LIPI: variants seen among roughly 807,000 people sequenced by gnomAD.
LIPI encodes the protein lipase member I.
A neutral mutation model predicts 50.6 loss-of-function variants in LIPI; 59 were observed. The observed-to-expected ratio is 1.16, with a 90% confidence interval of 0.94 to 1.45. The LOEUF (loss-of-function observed/expected upper bound fraction) is 1.45. LIPI is among the 40% of genes most tolerant of loss of function. The pLI, the probability that LIPI is intolerant of heterozygous loss-of-function variation, is 0.00. For missense variants in LIPI, 586 were observed against 536.3 expected, an observed-to-expected ratio of 1.09 and a Z score of -0.92; for synonymous variants, 203 against 178.2, an observed-to-expected ratio of 1.14 and a Z score of -1.11.
chr21:14,174,684 G>A (rs529771841), intron 4 of LIPI, among the ~76,000 whole-genome samples: 1 of 152,142 alleles, frequency 6.6e-6, no homozygotes, highest in East Asian at 1.9e-4. Context: ...CTCCCAAGTA[G>A]CTGGGACTAA....
chr21:14,130,905 C>T (rs149724284), intron 9 of LIPI, among the ~76,000 whole-genome samples: 15 of 152,268 alleles, frequency 9.9e-5, no homozygotes, highest in Middle Eastern at 3.4e-3. Flanking sequence ...TGAGAGCCTT[C>T]CCACACAGCT....
intron 9 of LIPI, among the ~76,000 whole-genome samples, chr21:14,115,050 C>T (rs1280128019): frequency 6.6e-6 from 1 of 152,122 alleles, no homozygotes; most frequent in Admixed American, 6.5e-5. Context: ...TAATCAAAGA[C>T]AACCAAGACA....
intron 7 of LIPI, among the ~76,000 whole-genome samples, chr21:14,161,530 T>C (rs1440735443): frequency 7.8e-6 from 1 of 128,228 alleles, no homozygotes; most frequent in Non-Finnish European, 1.6e-5. Flanking sequence ...GATATAGATA[T>C]AATATCCATA....
chr21:14,118,821 C>T (rs1460847901), intron 9 of LIPI, among the ~76,000 whole-genome samples: 1 of 152,162 alleles, frequency 6.6e-6, no homozygotes, highest in South Asian at 2.1e-4. Context: ...CCCATTCCCA[C>T]AGAGGTTAAC....
At chr21:14,116,046 G>A (rs1240155629) in intron 9 of LIPI, among the ~76,000 whole-genome samples, 1 of 152,030 alleles carries the variant, frequency 6.6e-6, no homozygotes, top group Non-Finnish European at 1.5e-5. Context: ...GAACCTACCT[G>A]GGACACAAGA....
Position 14,210,943 on chromosome 21 carries a change from C to T in LIPI, c.-98G>A. ...CTTTGGTAGGATCATCACAGGCTGGCAGGTTCTTCTGTAAAAGTTCACTGA... is the reference window on the plus strand; with the variant it reads ...CTTTGGTAGGATCATCACAGGCTGGTAGGTTCTTCTGTAAAAGTTCACTGA... On this transcript the variant is annotated 5_prime_UTR_variant, in exon 1 of 10. Coordinates refer to ENST00000681601, the MANE Select transcript of LIPI (RefSeq NM_001302998.2). 9.3e-7 allele frequency: 1 copy of T among 1,080,022 alleles called. No individual in the cohort carries two copies. Among genetic ancestry groups the T allele is most frequent in the Non-Finnish European group, 1.1e-6 (1 of 884,254 alleles). 66.9% of individuals were successfully genotyped at this position (1,080,022 alleles called of 1,614,324 possible).
At chr21:14,156,686 C>T (rs1024937939) in intron 7 of LIPI, among the ~76,000 whole-genome samples, 3 of 151,640 alleles carry the variant, frequency 2.0e-5, no homozygotes. Flanking sequence ...AAAACATATA[C>T]AAGTGGAAAA....
chr21:14,167,734 C>A (rs933168000), intron 4 of LIPI, among the ~76,000 whole-genome samples: 6 of 151,982 alleles, frequency 3.9e-5, no homozygotes, highest in East Asian at 1.9e-4. Context: ...TCATCAAAGA[C>A]CAAAAGTAGA....
intron 1 of LIPI, among the ~76,000 whole-genome samples, chr21:14,190,058 C>T (rs1266596485): frequency 2.6e-5 from 4 of 151,924 alleles, no homozygotes; most frequent in Admixed American, 6.6e-5. Flanking sequence ...AGACTTTAAC[C>T]GCTGGGTTAT....
intron 5 of LIPI, 55 bp downstream of exon 5, chr21:14,166,305 ATT>A: frequency 1.0e-6 from 1 of 996,832 alleles, no homozygotes; most frequent in African/African-American, 1.6e-5. Flanking sequence ...AAAGTAAGTT[ATT>A]TTCTTTCATC....
chr21:14,203,317 A>G (rs1012858695), intron 1 of LIPI, among the ~76,000 whole-genome samples: 3 of 152,198 alleles, frequency 2.0e-5, no homozygotes, highest in Admixed American at 2.0e-4. Flanking sequence ...CATTTGACCC[A>G]GCAATCCCAT....
At chr21:14,195,726 A>C (rs1307600940) in intron 1 of LIPI, among the ~76,000 whole-genome samples, 1 of 152,200 alleles carries the variant, frequency 6.6e-6, no homozygotes, top group African/African-American at 2.4e-5. Context: ...TATCTGAAAA[A>C]TACTTGTATC....
At chr21:14,132,016 G>A (rs2017314667) in intron 9 of LIPI, among the ~76,000 whole-genome samples, 1 of 152,030 alleles carries the variant, frequency 6.6e-6, no homozygotes, top group South Asian at 2.1e-4. Context: ...ATCCAGTCGG[G>A]CAAAAAACAA....
intron 9 of LIPI, among the ~76,000 whole-genome samples, chr21:14,130,729 T>C (rs563625640): frequency 1.3e-5 from 2 of 152,282 alleles, no homozygotes; most frequent in East Asian, 3.9e-4. Flanking sequence ...GATCAAGCTC[T>C]TCTAAGCACA....
chr21:14,201,190 C>T (rs1174715629), intron 1 of LIPI, among the ~76,000 whole-genome samples: 4 of 152,040 alleles, frequency 2.6e-5, no homozygotes, highest in South Asian at 2.1e-4. Context: ...CCATTCAGAA[C>T]ATAGACACAG....
intron 9 of LIPI, among the ~76,000 whole-genome samples, chr21:14,133,223 C>T (rs771058612): frequency 6.6e-6 from 1 of 151,952 alleles, no homozygotes; most frequent in Non-Finnish European, 1.5e-5. Context: ...GATTAATATT[C>T]CTGAAGAAAA....
intron 7 of LIPI, among the ~76,000 whole-genome samples, chr21:14,157,308 C>T (rs1274644925): frequency 6.6e-6 from 1 of 151,906 alleles, no homozygotes; most frequent in East Asian, 1.9e-4. Flanking sequence ...GTAGCTGGCA[C>T]AACCTTTTCC....
chr21:14,200,908 A>C (rs2020030179), intron 1 of LIPI, among the ~76,000 whole-genome samples: 1 of 152,120 alleles, frequency 6.6e-6, no homozygotes, highest in Admixed American at 6.6e-5. Context: ...ATCCTAGTAC[A>C]AAAGCAGACA....
At chr21:14,119,364 G>C (rs552591575) in intron 9 of LIPI, among the ~76,000 whole-genome samples, 142 of 152,292 alleles carry the variant, frequency 9.3e-4, no homozygotes, top group Non-Finnish European at 1.6e-3. Flanking sequence ...AAGTGTCCAA[G>C]GAAAAGGCAC....
Sources: allele counts gnomAD v4.1 joint callset (sites outside exome capture counted in the v4.1 genomes callset), GRCh38; gene constraint gnomAD v4.1.1; transcripts MANE v1.5; gene names NCBI Gene and HGNC (gene_info 2026-07-23, HGNC 2026-07-21).